CSMD1: variants seen among roughly 807,000 people sequenced by gnomAD.
CSMD1 encodes the protein CUB and Sushi multiple domains 1.
A neutral mutation model predicts 417.5 loss-of-function variants in CSMD1; 213 were observed. The observed-to-expected ratio is 0.51, with a 90% CI of 0.46 to 0.57. CSMD1 has a LOEUF of 0.57. Among genes scored for constraint, CSMD1 ranks in the 20% least tolerant of loss-of-function variants. The pLI, the probability that CSMD1 is intolerant of heterozygous loss-of-function variation, is 0.00. For missense variants in CSMD1, 6,923 were observed against 4,529.7 expected, an observed-to-expected ratio of 1.53 and a Z score of -15.17; for synonymous variants, 2,862 against 1,736.8, an observed-to-expected ratio of 1.65 and a Z score of -16.11.
chr8:4,857,423 G>A lies in CSMD1; in HGVS notation c.85+136909C>T, dbSNP rs570882401. On this transcript the variant is annotated intron_variant, in intron 1 of 69. Transcript: ENST00000635120. ...GCAAGAAATAACTAAAATCAGAACA[G>A]AACTGAAGGAAATAGAGATACAAAA... 4.6e-5 allele frequency among the ~76,000 whole-genome samples: 7 copies of A among 152,102 alleles called. No individual in the cohort carries two copies. In the East Asian group the frequency reaches 1.4e-3, roughly 29 times the overall value.
intron 3 of CSMD1, among the ~76,000 whole-genome samples, chr8:4,062,105 T>G (rs527541669): frequency 6.6e-6 from 1 of 151,956 alleles, no homozygotes; most frequent in African/African-American, 2.4e-5. Context: ...TCACAGAGAA[T>G]GCATGGAGGG....
intron 21 of CSMD1, among the ~76,000 whole-genome samples, chr8:3,353,193 G>A (rs972727636): frequency 6.6e-6 from 1 of 152,230 alleles, no homozygotes; most frequent in Non-Finnish European, 1.5e-5. Flanking sequence ...GGATAGGAAA[G>A]TGTTGCTGCT....
At chr8:4,328,761 T>C (rs539714606) in intron 3 of CSMD1, among the ~76,000 whole-genome samples, 2 of 152,288 alleles carry the variant, frequency 1.3e-5, no homozygotes, top group Non-Finnish European at 2.9e-5. Flanking sequence ...AGTTACATCG[T>C]TTAAGTTAGC....
At chr8:3,786,776 C>G (rs1255668561) in intron 5 of CSMD1, among the ~76,000 whole-genome samples, 1 of 152,184 alleles carries the variant, frequency 6.6e-6, no homozygotes, top group East Asian at 1.9e-4. Flanking sequence ...AGAGGGCTAT[C>G]TTCCCCTTGC....
chr8:3,888,105 C>T (rs1017769983), intron 5 of CSMD1, among the ~76,000 whole-genome samples: 1 of 152,142 alleles, frequency 6.6e-6, no homozygotes, highest in African/African-American at 2.4e-5. Context: ...AAAACCAACG[C>T]TCCTTTGCCT....
At chr8:3,492,277 G>C (rs1286030849) in intron 11 of CSMD1, among the ~76,000 whole-genome samples, 2 of 152,130 alleles carry the variant, frequency 1.3e-5, no homozygotes, top group Admixed American at 6.5e-5. Context: ...AGAGCATAAA[G>C]ACATGAAGGA....
intron 3 of CSMD1, among the ~76,000 whole-genome samples, chr8:4,248,665 C>G (rs550693769): frequency 1.9e-4 from 29 of 152,172 alleles, no homozygotes; most frequent in Admixed American, 2.6e-4. Flanking sequence ...CACCCACCAT[C>G]AGCCTCCTGT....
chr8:3,366,003 A>G (rs1261001838), intron 20 of CSMD1, among the ~76,000 whole-genome samples: 2 of 152,218 alleles, frequency 1.3e-5, no homozygotes, highest in Non-Finnish European at 2.9e-5. Context: ...ATTGTGACAC[A>G]TAATCTCATA....
In CSMD1 at chr8:4,210,639, A is replaced by T. The variant is rs185664217; in HGVS notation, c.416-178540T>A. On this transcript the variant is annotated intron_variant, in intron 3 of 69. Coordinates refer to ENST00000635120, the MANE Select transcript of CSMD1 (RefSeq NM_033225.6). Reference sequence around the variant, plus strand: ...TTAAATAATATCTCATTAATTATACAATTAGCCAAGAAAAAAAAACACTTA... The same window carrying T: ...TTAAATAATATCTCATTAATTATACTATTAGCCAAGAAAAAAAAACACTTA... Among the ~76,000 whole-genome samples, 5 of 152,306 alleles carry T rather than the reference A, an allele frequency of 3.3e-5. No individual in the cohort carries two copies. In the East Asian group the frequency reaches 5.8e-4, roughly 18 times the overall value.
At position 3,736,841 on chromosome 8, in the gene CSMD1, G is replaced by A. The variant is rs187181027; in HGVS notation, c.931+17089C>T. ...TTTTGTGAGGCTGCTGGGATGTTAC[G>A]TATGTCTACATATGAATGGGTGAAA... On this transcript the variant is annotated intron_variant, in intron 6 of 69. Transcript: ENST00000635120. 2.2e-4 allele frequency among the ~76,000 whole-genome samples: 34 copies of A among 152,298 alleles called. 1 individual carries two copies. In the East Asian group the frequency reaches 5.0e-3, roughly 23 times the overall value.
At chr8:4,759,845 C>T (rs1410997902) in intron 1 of CSMD1, among the ~76,000 whole-genome samples, 1 of 152,128 alleles carries the variant, frequency 6.6e-6, no homozygotes, top group Admixed American at 6.6e-5. Context: ...CATGTGTTTG[C>T]TATTGTGAAT....
chr8:4,174,627 T>C (rs1388455407), intron 3 of CSMD1, among the ~76,000 whole-genome samples: 2 of 144,480 alleles, frequency 1.4e-5, no homozygotes, highest in South Asian at 2.3e-4. Context: ...TAAAACAAAC[T>C]CTAAGACCTG....
intron 37 of CSMD1, among the ~76,000 whole-genome samples, chr8:3,170,149 G>C (rs1179333294): frequency 1.3e-5 from 2 of 152,232 alleles, no homozygotes; most frequent in East Asian, 1.9e-4. Context: ...TTGCTTTGCT[G>C]AGAAATCCTG....
At chr8:4,802,946 C>T (rs1011767611) in intron 1 of CSMD1, among the ~76,000 whole-genome samples, 1 of 152,140 alleles carries the variant, frequency 6.6e-6, no homozygotes, top group South Asian at 2.1e-4. Flanking sequence ...GATCTTAGTG[C>T]TGGCTTCTAC....
chr8:3,431,342 C>T (rs372417001), intron 12 of CSMD1, among the ~76,000 whole-genome samples: 1 of 152,178 alleles, frequency 6.6e-6, no homozygotes, highest in Non-Finnish European at 1.5e-5. Context: ...AAGGCAGTAA[C>T]TTGGAGAGTG....
chr8:3,138,538 C>T (rs1002601425), intron 41 of CSMD1, among the ~76,000 whole-genome samples: 2 of 152,206 alleles, frequency 1.3e-5, no homozygotes, highest in Non-Finnish European at 2.9e-5. Flanking sequence ...AGAAGAAGCA[C>T]ATCAGAATTC....
At chr8:4,633,094 G>A (rs561148262) in intron 2 of CSMD1, among the ~76,000 whole-genome samples, 1 of 152,144 alleles carries the variant, frequency 6.6e-6, no homozygotes, top group Non-Finnish European at 1.5e-5. Context: ...CAGTGTTCCC[G>A]AGAGGGGAGC....
At chr8:3,650,501 G>C (rs755201472) in intron 7 of CSMD1, among the ~76,000 whole-genome samples, 1 of 152,144 alleles carries the variant, frequency 6.6e-6, no homozygotes, top group Admixed American at 6.5e-5. Context: ...GGTGGGACCA[G>C]GGGCTACTGA....
At chr8:4,480,511 G>A (rs925154536) in intron 2 of CSMD1, among the ~76,000 whole-genome samples, 6 of 152,210 alleles carry the variant, frequency 3.9e-5, no homozygotes, top group African/African-American at 1.2e-4. Context: ...GATACTTGGT[G>A]GACGGAAATT....
Sources: gnomAD v4.1 joint callset for allele counts (sites outside exome capture counted in the v4.1 genomes callset) on GRCh38, gnomAD v4.1.1 for gene constraint, MANE v1.5 for transcripts, NCBI Gene and HGNC (gene_info 2026-07-23, HGNC 2026-07-21) for gene names.